Variants in SMYD3 observed in about 807,000 individuals in gnomAD.
SMYD3 encodes histone-lysine N-methyltransferase SMYD3.
Under a neutral mutation model 57.7 loss-of-function variants are expected in SMYD3, and 36 were observed. The ratio of observed to expected loss-of-function variants is 0.62; its 90% confidence interval spans 0.48 to 0.82. The LOEUF (loss-of-function observed/expected upper bound fraction) is 0.82, where lower values mean the gene tolerates loss of function less well. Among genes scored for constraint, SMYD3 ranks in the 40% least tolerant of loss-of-function variants. The pLI is 0.00. For missense variants in SMYD3, 515 were observed against 538.8 expected, an observed-to-expected ratio of 0.96 and a Z score of 0.44; for synonymous variants, 211 against 195.0, an observed-to-expected ratio of 1.08 and a Z score of -0.68.
chr1:245,814,847 CGCACACACACGCAA>C (rs2048703802), intron 10 of SMYD3, among the ~76,000 whole-genome samples: 1 of 149,322 alleles, frequency 6.7e-6, no homozygotes, highest in Non-Finnish European at 1.5e-5. Flanking sequence ...CACACATGCA[CGCACACACACGCAA>C]GCACACACAC....
chr1:245,908,241 A>T (rs187608259), intron 8 of SMYD3, among the ~76,000 whole-genome samples: 2 of 136,438 alleles, frequency 1.5e-5, no homozygotes, highest in East Asian at 4.3e-4. Flanking sequence ...TAAGTCAAAA[A>T]ACAAAGAGAG....
At chr1:246,507,027 A>C in intron 1 of SMYD3, 27 bp downstream of exon 1, 3 of 1,436,188 alleles carry the variant, frequency 2.1e-6, no homozygotes, top group Non-Finnish European at 1.8e-6. Flanking sequence ...CTCGCGACTC[A>C]GGTAGGCGAG....
intron 8 of SMYD3, among the ~76,000 whole-genome samples, chr1:245,904,796 G>A (rs116135180): frequency 0.022 from 3,267 of 151,848 alleles, 118 homozygotes; most frequent in African/African-American, 0.073. Context: ...CCCCTCCCCT[G>A]GCCCCAGGGT....
At chr1:246,143,562 G>C (rs571115324) in intron 5 of SMYD3, among the ~76,000 whole-genome samples, 2 of 152,080 alleles carry the variant, frequency 1.3e-5, no homozygotes, top group African/African-American at 4.8e-5. Context: ...CAGCTACTTG[G>C]GAGGCTGAGG....
chr1:246,261,478 C>T (rs1019385156), intron 5 of SMYD3, among the ~76,000 whole-genome samples: 10 of 151,514 alleles, frequency 6.6e-5, no homozygotes, highest in African/African-American at 2.2e-4. Context: ...ATTATATTTA[C>T]ATATTGAATG....
intron 10 of SMYD3, among the ~76,000 whole-genome samples, chr1:245,800,279 G>C (rs761225958): frequency 1.3e-5 from 2 of 152,082 alleles, no homozygotes; most frequent in African/African-American, 2.4e-5. Flanking sequence ...CCTAAAAGCA[G>C]GTCCTTCCAT....
chr1:245,928,726 AC>A (rs1462946506), intron 6 of SMYD3, among the ~76,000 whole-genome samples: 3 of 152,022 alleles, frequency 2.0e-5, no homozygotes. Context: ...GATACCACTG[AC>A]CTCTCCCATA....
chr1:246,425,088 T>A (rs2067199246), intron 1 of SMYD3, among the ~76,000 whole-genome samples: 1 of 152,192 alleles, frequency 6.6e-6, no homozygotes, highest in Non-Finnish European at 1.5e-5. Context: ...CTTGATTCTA[T>A]TTAATCGGCA....
chr1:246,486,449 C>A (rs997781547), intron 1 of SMYD3, among the ~76,000 whole-genome samples: 1 of 152,158 alleles, frequency 6.6e-6, no homozygotes, highest in African/African-American at 2.4e-5. Flanking sequence ...CACTCCAATT[C>A]TTGAATTGAT....
chr1:245,879,428 C>T (rs1263327349), intron 8 of SMYD3, among the ~76,000 whole-genome samples: 19 of 152,098 alleles, frequency 1.2e-4, no homozygotes, highest in Non-Finnish European at 1.5e-5. Context: ...GCGATGGAGA[C>T]GAAGAGTGTA....
intron 1 of SMYD3, among the ~76,000 whole-genome samples, chr1:246,466,842 T>G (rs57153125): frequency 0.091 from 13,711 of 149,850 alleles, 2,003 homozygotes; most frequent in African/African-American, 0.31. Flanking sequence ...AGTGAGGCCC[T>G]GTCTCAAAAA....
At chr1:246,221,067 G>A (rs572310464) in intron 5 of SMYD3, among the ~76,000 whole-genome samples, 1 of 152,050 alleles carries the variant, frequency 6.6e-6, no homozygotes, top group East Asian at 1.9e-4. Context: ...CGACCTGCCT[G>A]CAGAGAACAG....
At chr1:246,189,918 A>C (rs942745000) in intron 5 of SMYD3, among the ~76,000 whole-genome samples, 2 of 152,206 alleles carry the variant, frequency 1.3e-5, no homozygotes, top group Admixed American at 6.5e-5. Context: ...TTCTCTTTTC[A>C]AGCAAATGTT....
chr1:245,994,403 C>A (rs940626323), intron 5 of SMYD3, among the ~76,000 whole-genome samples: 1 of 152,166 alleles, frequency 6.6e-6, no homozygotes, highest in Non-Finnish European at 1.5e-5. Context: ...AAAGGACACA[C>A]GATGAGAGGC....
At chr1:246,129,246 TAA>T (rs1053088572) in intron 5 of SMYD3, among the ~76,000 whole-genome samples, 1 of 152,170 alleles carries the variant, frequency 6.6e-6, no homozygotes, top group Admixed American at 6.5e-5. Context: ...ATTAAGCCTT[TAA>T]AAATAATGTC....
At chr1:246,245,824 T>C (rs1285907164) in intron 5 of SMYD3, among the ~76,000 whole-genome samples, 5 of 152,198 alleles carry the variant, frequency 3.3e-5, no homozygotes, top group Non-Finnish European at 7.3e-5. Context: ...TCTATTCATA[T>C]TTTGCTATGA....
intron 5 of SMYD3, among the ~76,000 whole-genome samples, chr1:246,237,730 A>G (rs551493112): frequency 1.3e-5 from 2 of 152,308 alleles, no homozygotes; most frequent in South Asian, 4.2e-4. Context: ...AATATATACA[A>G]ACATAAAAGC....
At chr1:246,465,641 C>G (rs6661155) in intron 1 of SMYD3, among the ~76,000 whole-genome samples, 68,634 of 151,950 alleles carry the variant, frequency 0.45, 15,930 homozygotes, top group Middle Eastern at 0.64. Context: ...AGACCAGCAC[C>G]AGCCTGGGGA....
intron 1 of SMYD3, among the ~76,000 whole-genome samples, chr1:246,414,497 A>G (rs2067025588): frequency 6.6e-6 from 1 of 152,168 alleles, no homozygotes; most frequent in Non-Finnish European, 1.5e-5. Context: ...AGGAAGAAAC[A>G]AGAGATTTAG....
Sources: gnomAD v4.1 joint callset for allele counts (sites outside exome capture counted in the v4.1 genomes callset) on GRCh38, gnomAD v4.1.1 for gene constraint, MANE v1.5 for transcripts, NCBI Gene and HGNC (gene_info 2026-07-23, HGNC 2026-07-21) for gene names.